Variants in PDK1 observed in about 807,000 individuals in gnomAD.
PDK1 encodes [Pyruvate dehydrogenase (acetyl-transferring)] kinase isozyme 1, mitochondrial.
A neutral mutation model predicts 54.2 loss-of-function variants in PDK1; 39 were observed. The observed-to-expected ratio is 0.72, with a 90% CI of 0.56 to 0.94. The LOEUF is 0.94. Ranked by LOEUF, PDK1 falls within the 40% of genes least tolerant of loss-of-function variation. The probability of loss-of-function intolerance (pLI) is 0.00; values close to 1 mark genes in which losing one functional copy is unlikely to be tolerated. For synonymous variants in PDK1, 221 were observed against 207.1 expected (o/e 1.07, Z -0.58); for missense variants, 552 against 566.0 (o/e 0.98, Z 0.25).
In PDK1 at chr2:172,556,254, G is replaced by T; in HGVS notation, c.104G>T (p.Ser35Ile). The change falls in exon 1 of 11, where the codon AGC becomes ATC. Residue 35 changes from serine to isoleucine, a missense_variant. Ser to Ile is a moderately radical substitution (Grantham distance 142, BLOSUM62 -2). Transcript: ENST00000282077. ...AGCTTCAGCTCGGACTCGGGCTCCAGCCCGGCGTCCGAGCGCGGCGTTCCG... is the reference window on the plus strand; with the variant it reads ...AGCTTCAGCTCGGACTCGGGCTCCATCCCGGCGTCCGAGCGCGGCGTTCCG... ...SRSFSSDSGS[S>I]PASERGVPGQ... 6.8e-7 allele frequency: 1 copy of T among 1,476,544 alleles called. No individual in the cohort carries two copies. The highest frequency in any genetic ancestry group is 1.3e-5 in the South Asian group (1 of 77,138). The allele number at this position is 1,476,544 out of a possible 1,614,324, so 91.5% of individuals were successfully genotyped here.
chr2:172,651,280 AACAAAGAC>A, the PDK1 span, among the ~76,000 whole-genome samples: 1 of 152,238 alleles, frequency 6.6e-6, no homozygotes, highest in Non-Finnish European at 1.5e-5. Flanking sequence ...AACCAATGAG[AACAAAGAC>A]ACAACATATC....
intron 2 of PDK1, among the ~76,000 whole-genome samples, chr2:172,561,236 G>A (rs1220189879): frequency 6.6e-6 from 1 of 152,188 alleles, no homozygotes; most frequent in African/African-American, 2.4e-5. Flanking sequence ...TCTGATCGGT[G>A]CCTGTTGTAG....
chr2:172,717,216 G>T, the PDK1 span, among the ~76,000 whole-genome samples: 1 of 152,176 alleles, frequency 6.6e-6, no homozygotes, highest in Non-Finnish European at 1.5e-5. Flanking sequence ...TGTTGTGAGA[G>T]ACCCATGTAT....
chr2:172,684,777 A>G, the PDK1 span, among the ~76,000 whole-genome samples: 4 of 152,096 alleles, frequency 2.6e-5, no homozygotes, highest in South Asian at 6.2e-4. Context: ...TCATTCACCA[A>G]TTGCTGACGA....
chr2:172,580,602 C>G (rs1289823425), intron 8 of PDK1, among the ~76,000 whole-genome samples: 1 of 152,134 alleles, frequency 6.6e-6, no homozygotes, highest in Admixed American at 6.5e-5. Context: ...AATCCTACTC[C>G]TATGTCTATA....
the PDK1 span, among the ~76,000 whole-genome samples, chr2:172,716,884 G>A: frequency 6.6e-6 from 1 of 152,114 alleles, no homozygotes; most frequent in African/African-American, 2.4e-5. Flanking sequence ...TATTTAATTG[G>A]AACAAAACTT....
the PDK1 span, among the ~76,000 whole-genome samples, chr2:172,699,751 T>A: frequency 3.6e-3 from 541 of 149,396 alleles, 3 homozygotes; most frequent in African/African-American, 0.012. Flanking sequence ...TTTTTCTTTT[T>A]TTATTATTAT....
the PDK1 span, among the ~76,000 whole-genome samples, chr2:172,689,233 G>A: frequency 0.19 from 28,852 of 151,960 alleles, 3,338 homozygotes; most frequent in African/African-American, 0.32. Flanking sequence ...ACAGAGCACC[G>A]ATTGGTGCAT....
chr2:172,660,371 C>T, the PDK1 span, among the ~76,000 whole-genome samples: 1 of 147,436 alleles, frequency 6.8e-6, no homozygotes, highest in East Asian at 2.1e-4. Flanking sequence ...ATTCTCCTGC[C>T]TCAGCCTCCC....
Position 172,570,760 on chromosome 2 carries a change from A to G in PDK1, c.881A>G (p.Asn294Ser). 4 of 1,610,688 alleles carry G rather than the reference A, an allele frequency of 2.5e-6. No individual in the cohort carries two copies. The highest frequency in any genetic ancestry group is 3.4e-6 in the Non-Finnish European group (4 of 1,176,924). The change falls in exon 8 of 11, where the codon AAC becomes AGC. Residue 294 changes from asparagine (N) to serine (S), a missense_variant. Asn to Ser is a conservative substitution (Grantham distance 46). Transcript: ENST00000282077. ...AGAGCCACTATGGAACACCATGCCA[A>G]CAGAGGTGTTTACCCCCCTATTCAA... ...AMRATMEHHA[N>S]RGVYPPIQVH...
At chr2:172,610,818 C>T (rs569503373), downstream of PDK1, among the ~76,000 whole-genome samples, 1 of 152,236 alleles carries the variant, frequency 6.6e-6, no homozygotes, top group South Asian at 2.1e-4. Flanking sequence ...ACCATGTTGG[C>T]CAGGCTGGTC....
rs776618358 is a variant in PDK1, at chr2:172,562,273, A to T, written c.392A>T (p.Asp131Val). 2.3e-5 allele frequency: 36 copies of T among 1,598,124 alleles called. No homozygotes were observed. The highest frequency in any genetic ancestry group is 3.1e-5 in the Non-Finnish European group (36 of 1,165,750). ...GATTTTAAGGACAAAAGTGCTGAGG[A>T]TGCTAAAGCTATTTATGAGTAAGTT... ...LLDFKDKSAE[D>V]AKAIYDFTDT... Residue 131 changes from aspartate (D) to valine (V), a missense_variant, in exon 3 of 11, where the codon GAT becomes GTT. Physicochemically the swap from Asp to Val is radical, Grantham distance 152 (BLOSUM62 -3). Coordinates refer to ENST00000282077, the MANE Select transcript of PDK1 (RefSeq NM_002610.5).
intron 8 of PDK1, among the ~76,000 whole-genome samples, chr2:172,576,265 A>T (rs1689580842): frequency 6.6e-6 from 1 of 152,130 alleles, no homozygotes; most frequent in Admixed American, 6.5e-5. Context: ...CATTTCATTT[A>T]GGTTATCTAA....
chr2:172,630,536 C>T, the PDK1 span, among the ~76,000 whole-genome samples: 1 of 152,174 alleles, frequency 6.6e-6, no homozygotes, highest in Non-Finnish European at 1.5e-5. Flanking sequence ...CCCAAATGAT[C>T]ATCCAATTGT....
intron 8 of PDK1, among the ~76,000 whole-genome samples, chr2:172,572,926 C>T (rs1485999097): frequency 6.6e-6 from 1 of 152,122 alleles, no homozygotes; most frequent in Non-Finnish European, 1.5e-5. Context: ...TGCATTTGTA[C>T]TTCATTCCTT....
At chr2:172,694,162 A>C in the PDK1 span, among the ~76,000 whole-genome samples, 1 of 152,200 alleles carries the variant, frequency 6.6e-6, no homozygotes, top group Non-Finnish European at 1.5e-5. Flanking sequence ...ATGAATTCCC[A>C]GTCTCCAGAG....
At chr2:172,621,125 T>C in the PDK1 span, among the ~76,000 whole-genome samples, 2 of 152,096 alleles carry the variant, frequency 1.3e-5, no homozygotes, top group Non-Finnish European at 2.9e-5. Context: ...ACTAAAAATA[T>C]AGAAATTCAC....
At chr2:172,614,299 A>AGGCTGCCAGT in the PDK1 span, among the ~76,000 whole-genome samples, 2 of 151,886 alleles carry the variant, frequency 1.3e-5, no homozygotes, top group Non-Finnish European at 2.9e-5. Flanking sequence ...ACTGGGGACC[A>AGGCTGCCAGT]GGCTGCCAGT....
the PDK1 span, among the ~76,000 whole-genome samples, chr2:172,681,787 C>T: frequency 2.9e-4 from 44 of 152,240 alleles, no homozygotes; most frequent in African/African-American, 9.6e-4. Context: ...TTTATGGAGT[C>T]TCAGTCTGTT....
Sources: allele counts gnomAD v4.1 joint callset (sites outside exome capture counted in the v4.1 genomes callset), GRCh38; gene constraint gnomAD v4.1.1; transcripts MANE v1.5; gene names NCBI Gene and HGNC (gene_info 2026-07-23, HGNC 2026-07-21).